The following DLG2 variants were observed in gnomAD, a reference collection of about 807,000 sequenced individuals.
The protein encoded by DLG2 is disks large homolog 2.
DLG2 carries 45 observed loss-of-function variants against 132.5 expected under a neutral mutation model. The observed-to-expected ratio is 0.34, with a 90% CI of 0.27 to 0.44. DLG2 has a LOEUF of 0.44. DLG2 is among the 20% of genes least tolerant of loss of function. DLG2 has a pLI of 1.00. For synonymous variants in DLG2, 424 were observed against 419.6 expected (o/e 1.01, Z -0.13); for missense variants, 1,045 against 1,196.9 (o/e 0.87, Z 1.87).
At chr11:83,518,055 C>T (rs182098759) in intron 21 of DLG2, among the ~76,000 whole-genome samples, 6 of 152,214 alleles carry the variant, frequency 3.9e-5, no homozygotes, top group African/African-American at 1.4e-4. Context: ...AGCTGTCAGA[C>T]AGGAACATTT....
intron 7 of DLG2, among the ~76,000 whole-genome samples, chr11:84,307,979 T>G (rs2098243838): frequency 1.3e-5 from 2 of 152,144 alleles, no homozygotes; most frequent in South Asian, 4.1e-4. Context: ...CGGTGAGTGT[T>G]ACAGCTCACA....
At chr11:84,944,715 C>A (rs1489940486) in intron 6 of DLG2, among the ~76,000 whole-genome samples, 1 of 150,970 alleles carries the variant, frequency 6.6e-6, no homozygotes, top group Non-Finnish European at 1.5e-5. Flanking sequence ...AGTGATTCTC[C>A]TTCCTCAGCC....
chr11:85,465,191 T>A (rs2092745839), intron 3 of DLG2, among the ~76,000 whole-genome samples: 1 of 148,246 alleles, frequency 6.7e-6, no homozygotes, highest in South Asian at 2.2e-4. Flanking sequence ...TACCCAGGGT[T>A]AATTGTCGTG....
At chr11:85,516,418 C>A (rs568820011) in intron 3 of DLG2, among the ~76,000 whole-genome samples, 2 of 151,928 alleles carry the variant, frequency 1.3e-5, no homozygotes, top group East Asian at 3.9e-4. Flanking sequence ...AAAACTGCAA[C>A]TAGCAGAAGG....
intron 6 of DLG2, among the ~76,000 whole-genome samples, chr11:85,038,508 A>C (rs1422531317): frequency 6.6e-6 from 1 of 152,062 alleles, no homozygotes; most frequent in Admixed American, 6.6e-5. Context: ...TTTACACAGA[A>C]GTGACAATTA....
In DLG2 at chr11:85,484,315, C is replaced by A. The variant is rs371237792; in HGVS notation, c.40+114342G>T. Among the ~76,000 whole-genome samples the A allele has an allele frequency of 2.9e-4, 44 of 150,070 alleles. No homozygotes were observed. The East Asian group carries it at 6.7e-3, about 23-fold the overall frequency. On this transcript the variant is annotated intron_variant, in intron 3 of 27. Coordinates refer to ENST00000376104, the MANE Select transcript of DLG2 (RefSeq NM_001142699.3). ...GGCAAAGACTTCATGTCTAAAACAC[C>A]AAAAGCAATGGCAACAAAAGCCAAA...
At chr11:85,239,646 A>T (rs769245300) in intron 4 of DLG2, among the ~76,000 whole-genome samples, 11 of 151,982 alleles carry the variant, frequency 7.2e-5, no homozygotes, top group Non-Finnish European at 1.6e-4. Context: ...ACTTTATAAA[A>T]GTCTATCCTA....
At chr11:85,580,963 C>T (rs2153228815) in intron 3 of DLG2, among the ~76,000 whole-genome samples, 1 of 152,258 alleles carries the variant, frequency 6.6e-6, no homozygotes, top group African/African-American at 2.4e-5. Context: ...GGAGGCTGAC[C>T]TCAACAGACT....
chr11:83,903,323 G>GA (rs972997178), intron 15 of DLG2, among the ~76,000 whole-genome samples: 4 of 152,026 alleles, frequency 2.6e-5, no homozygotes, highest in Admixed American at 1.3e-4. Context: ...AAATAAGTAG[G>GA]AAAAAACCTA....
chr11:85,497,931 A>G (rs1299411033), intron 3 of DLG2, among the ~76,000 whole-genome samples: 1 of 152,244 alleles, frequency 6.6e-6, no homozygotes, highest in Non-Finnish European at 1.5e-5. Context: ...TGAAGGAAGC[A>G]CCAAACATGG....
intron 18 of DLG2, among the ~76,000 whole-genome samples, chr11:83,664,609 C>G (rs2075121555): frequency 1.3e-5 from 2 of 152,114 alleles, no homozygotes; most frequent in African/African-American, 4.8e-5. Context: ...CTTCAGAAAA[C>G]TCACAGTACT....
intron 7 of DLG2, among the ~76,000 whole-genome samples, chr11:84,449,908 G>T (rs2099046690): frequency 6.6e-6 from 1 of 151,638 alleles, no homozygotes; most frequent in Admixed American, 6.6e-5. Flanking sequence ...AAAAGATGAT[G>T]GTTGATACTG....
intron 6 of DLG2, among the ~76,000 whole-genome samples, chr11:84,854,341 T>G (rs1325475379): frequency 2.0e-5 from 3 of 151,870 alleles, no homozygotes; most frequent in Non-Finnish European, 2.9e-5. Context: ...TGAGCATCAG[T>G]TTCCTCATTT....
intron 7 of DLG2, among the ~76,000 whole-genome samples, chr11:84,488,386 A>T (rs2099156230): frequency 6.6e-6 from 1 of 152,074 alleles, no homozygotes; most frequent in Non-Finnish European, 1.5e-5. Context: ...GAATTGGGGA[A>T]GGCCTTAGTT....
intron 6 of DLG2, among the ~76,000 whole-genome samples, chr11:84,728,368 T>C (rs1032967622): frequency 6.6e-6 from 1 of 152,138 alleles, no homozygotes; most frequent in African/African-American, 2.4e-5. Flanking sequence ...TTGTCCTTGG[T>C]TCTGGTTGTG....
intron 8 of DLG2, among the ~76,000 whole-genome samples, chr11:84,177,317 C>T (rs571253402): frequency 2.0e-4 from 31 of 152,242 alleles, no homozygotes; most frequent in African/African-American, 6.0e-4. Context: ...AGCCCTCCTA[C>T]GCACTCTAAT....
intron 18 of DLG2, among the ~76,000 whole-genome samples, chr11:83,714,320 G>A (rs1215635045): frequency 6.6e-6 from 1 of 152,072 alleles, no homozygotes; most frequent in Non-Finnish European, 1.5e-5. Context: ...AAGAGGAAAA[G>A]AAGGAATGGT....
At chr11:83,723,421 C>A (rs554228600) in intron 18 of DLG2, among the ~76,000 whole-genome samples, 1 of 151,998 alleles carries the variant, frequency 6.6e-6, no homozygotes, top group East Asian at 1.9e-4. Flanking sequence ...AACAACAAAA[C>A]AACAAATGAG....
chr11:85,382,801 G>A (rs1008864220), intron 3 of DLG2, among the ~76,000 whole-genome samples: 8 of 152,080 alleles, frequency 5.3e-5, no homozygotes, highest in Non-Finnish European at 1.0e-4. Context: ...AGCACTTCAC[G>A]TGAGAATATT....
Sources: allele counts gnomAD v4.1 joint callset (sites outside exome capture counted in the v4.1 genomes callset), GRCh38; gene constraint gnomAD v4.1.1; transcripts MANE v1.5; gene names NCBI Gene and HGNC (gene_info 2026-07-23, HGNC 2026-07-21).